METTL2B: variants seen among roughly 807,000 people sequenced by gnomAD.
METTL2B encodes tRNA N(3)-cytidine methyltransferase METTL2B.
In METTL2B, 28 loss-of-function variants were observed where a neutral mutation model predicts 51.0. That is an observed-to-expected ratio of 0.55 (90% CI 0.41 to 0.75). The LOEUF (loss-of-function observed/expected upper bound fraction) is 0.75. Ranked by LOEUF, METTL2B falls within the 30% of genes least tolerant of loss-of-function variation. The pLI, the probability that METTL2B is intolerant of heterozygous loss-of-function variation, is 0.00. For synonymous variants in METTL2B, 128 were observed against 166.3 expected (o/e 0.77, Z 1.77); for missense variants, 313 against 460.7 (o/e 0.68, Z 2.93).
rs1379729143 is a variant in METTL2B, at chr7:128,503,553, G to A, written c.*1637G>A. On this transcript the variant is annotated 3_prime_UTR_variant, in exon 9 of 9. Coordinates refer to ENST00000262432, the MANE Select transcript of METTL2B (RefSeq NM_018396.3). ...TGGCTTGAGCCATCGCTCCACCTCA[G>A]CCTCCTGAGTAGCTAGGACTGCAGG... The A allele has an allele frequency of 6.6e-6, 1 of 151,332 alleles. No homozygotes were observed. Among genetic ancestry groups the A allele is most frequent in the Non-Finnish European group, 1.5e-5 (1 of 67,948 alleles). 9.4% of individuals were successfully genotyped at this position (151,332 alleles called of 1,614,324 possible). A position where few individuals can be genotyped will look rare whatever the true frequency, so the allele number is the denominator to read the frequency against.
intron 7 of METTL2B, among the ~76,000 whole-genome samples, chr7:128,498,491 AT>A (rs200621511): frequency 1.3e-4 from 20 of 151,668 alleles, no homozygotes; most frequent in Admixed American, 4.0e-4. Flanking sequence ...TTAAAGTATA[AT>A]TTTAAAAAAA....
In METTL2B at chr7:128,488,375, G is replaced by A. The variant is rs1307489567; in HGVS notation, c.669+214G>A. 8 of 783,584 alleles carry A rather than the reference G, an allele frequency of 1.0e-5. No individual in the cohort carries two copies. In the African/African-American group the frequency reaches 1.4e-4, roughly 13 times the overall value. The allele number at this position is 783,584 out of a possible 1,614,324, so 48.5% of individuals were successfully genotyped here. A position where few individuals can be genotyped will look rare whatever the true frequency, so the allele number is the denominator to read the frequency against. On this transcript the variant is annotated intron_variant, in intron 5 of 8. Coordinates refer to ENST00000262432, the MANE Select transcript of METTL2B (RefSeq NM_018396.3). ...ATATCTGTTCATATATTGAAAGTCT[G>A]TGGCAACCCTGCATCAAGCAAGCCT...
Position 128,484,232 on chromosome 7 carries a change from T to TTTTTTTTTTTTTG in METTL2B, c.608+3548_608+3549insGTTTTTTTTTTTT, listed in dbSNP as rs1792654248. 3.6e-5 allele frequency: 3 copies of TTTTTTTTTTTTTG among 83,556 alleles called. No individual in the cohort carries two copies. In the East Asian group the frequency reaches 1.2e-3, roughly 34 times the overall value. 5.2% of individuals were successfully genotyped at this position (83,556 alleles called of 1,614,324 possible). On this transcript the variant is annotated intron_variant, in intron 4 of 8. Transcript: ENST00000262432. The stretch of plus-strand genomic sequence containing the variant: ...TGCCTAGATCCTTTTTTTTTTTTTT[T>TTTTTTTTTTTTTG]TTTTTTTTTTTTTGAGACAGGATTT...
chr7:128,492,594 GGTTT>G (rs3993549), intron 5 of METTL2B, among the ~76,000 whole-genome samples: 38,670 of 150,284 alleles, frequency 0.26, 5,055 homozygotes, highest in African/African-American at 0.29. Flanking sequence ...TCGTGCTTTT[GGTTT>G]GTTTGTTTGT....
intron 5 of METTL2B, among the ~76,000 whole-genome samples, chr7:128,492,436 G>A (rs967308320): frequency 3.9e-4 from 59 of 151,704 alleles, no homozygotes; most frequent in African/African-American, 1.4e-3. Context: ...AGGATTACAG[G>A]CCTGCACCTG....
chr7:128,492,660 A>T (rs1792855670), intron 5 of METTL2B, among the ~76,000 whole-genome samples: 1 of 151,666 alleles, frequency 6.6e-6, no homozygotes, highest in Admixed American at 6.6e-5. Flanking sequence ...TCTGTTGCCC[A>T]GGCTGGAGTG....
At chr7:128,495,168 G>T (rs1792902542) in intron 6 of METTL2B, among the ~76,000 whole-genome samples, 1 of 151,620 alleles carries the variant, frequency 6.6e-6, no homozygotes, top group South Asian at 2.1e-4. Flanking sequence ...TGATCCGCCT[G>T]CCACGGCCTC....
intron 5 of METTL2B, among the ~76,000 whole-genome samples, chr7:128,491,768 A>G (rs970763929): frequency 1.3e-5 from 2 of 151,544 alleles, no homozygotes; most frequent in Admixed American, 1.3e-4. Flanking sequence ...TCTCAAAAAA[A>G]AAAAAAAAAA....
chr7:128,484,234 T>TTTTTGTTTTGTTTTTG (rs1792656556), intron 4 of METTL2B: 1 of 127,214 alleles, frequency 7.9e-6, no homozygotes, highest in East Asian at 2.5e-4. Context: ...TTTTTTTTTT[T>TTTTTGTTTTGTTTTTG]TTTTTTTTTT....
intron 4 of METTL2B, among the ~76,000 whole-genome samples, chr7:128,485,245 A>T (rs759590203): frequency 6.6e-6 from 1 of 152,198 alleles, no homozygotes; most frequent in Non-Finnish European, 1.5e-5. Flanking sequence ...GAAAATAAAT[A>T]GTATAGGCCA....
At chr7:128,476,962 C>T (rs1799808237) in intron 1 of METTL2B, 87 bp downstream of exon 1, 1 of 1,591,504 alleles carries the variant, frequency 6.3e-7, no homozygotes, top group Non-Finnish European at 8.6e-7. Context: ...GACCGCCGGC[C>T]ACGAGTCAAG....
chr7:128,477,064 C>T lies in METTL2B; in HGVS notation c.111-18C>T, dbSNP rs745825348. 1.9e-6 allele frequency: 3 copies of T among 1,614,144 alleles called. No homozygotes were observed. The highest frequency in any genetic ancestry group is 2.2e-5 in the East Asian group (1 of 44,878). On this transcript the variant is annotated intron_variant, in intron 1 of 8. Transcript: ENST00000262432. Reference sequence around the variant, plus strand: ...GCCAGGACGTGAAGCCCCTAAGCTGCCCGTTTGATTTTCTCAGGGACAATG... The same window carrying T: ...GCCAGGACGTGAAGCCCCTAAGCTGTCCGTTTGATTTTCTCAGGGACAATG...
chr7:128,488,792 A>G (rs1792767362), intron 5 of METTL2B, among the ~76,000 whole-genome samples: 2 of 152,182 alleles, frequency 1.3e-5, no homozygotes. Context: ...AATTTAATAC[A>G]CAATTGCATA....
Position 128,479,377 on chromosome 7 carries a change from A to G in METTL2B, c.422A>G (p.His141Arg), listed in dbSNP as rs1799845553. 6.2e-7 allele frequency: 1 copy of G among 1,614,146 alleles called. No homozygotes were observed. The highest frequency in any genetic ancestry group is 1.3e-5 in the African/African-American group (1 of 74,952). Residue 141 changes from histidine (H) to arginine (R), a missense_variant, in exon 3 of 9, where the codon CAC becomes CGC. Coordinates refer to ENST00000262432, the MANE Select transcript of METTL2B (RefSeq NM_018396.3). ...DGPGLIMEEQ[H>R]KCSSKSLEHK... is the part of the protein sequence containing the mutation. ...CCTGGTTTAATAATGGAAGAACAGC[A>G]CAAGTGTTCTTCGAAGAGCCTTGAA...
At position 128,505,475 on chromosome 7, in the gene METTL2B, T is replaced by C. The variant is rs1241046017; in HGVS notation, c.*3559T>C. On this transcript the variant is annotated 3_prime_UTR_variant, in exon 9 of 9. Coordinates refer to ENST00000262432, the MANE Select transcript of METTL2B (RefSeq NM_018396.3). The stretch of plus-strand genomic sequence containing the variant: ...CATTTTGGGCAGGAATATTCAGAGG[T>C]GATGCTGTGTTCCTCCCATAGGATC... 2.0e-5 allele frequency: 3 copies of C among 152,146 alleles called. No homozygotes were observed. The highest frequency in any genetic ancestry group is 4.4e-5 in the Non-Finnish European group (3 of 68,048). The allele number at this position is 152,146 out of a possible 1,614,324, so 9.4% of individuals were successfully genotyped here.
chr7:128,489,629 C>CTT (rs71160655), intron 5 of METTL2B, among the ~76,000 whole-genome samples: 1,506 of 111,046 alleles, frequency 0.014, 68 homozygotes, highest in African/African-American at 0.03. Context: ...CTGGCAATTT[C>CTT]TTTTTTTTTT....
intron 5 of METTL2B, among the ~76,000 whole-genome samples, chr7:128,492,401 G>T (rs151231785): frequency 6.6e-5 from 10 of 151,678 alleles, no homozygotes; most frequent in African/African-American, 2.4e-4. Context: ...CAGGTAATCC[G>T]CCCACCTCGA....
intron 5 of METTL2B, among the ~76,000 whole-genome samples, chr7:128,491,435 A>C (rs539988602): frequency 2.1e-4 from 32 of 151,994 alleles, no homozygotes; most frequent in African/African-American, 7.5e-4. Flanking sequence ...ATCTCTACTA[A>C]ATACAAAAAT....
intron 5 of METTL2B, 96 bp from the exon 6 acceptor site, chr7:128,493,708 T>C (rs746176860): frequency 3.4e-5 from 50 of 1,479,882 alleles, no homozygotes; most frequent in Non-Finnish European, 4.5e-5. Context: ...CTTCGTGAAG[T>C]AGCAACAGTT....
Sources: allele counts gnomAD v4.1 joint callset (sites outside exome capture counted in the v4.1 genomes callset), GRCh38; gene constraint gnomAD v4.1.1; transcripts MANE v1.5; gene names NCBI Gene and HGNC (gene_info 2026-07-23, HGNC 2026-07-21).